Variants in NPIPB9 observed in about 807,000 individuals in gnomAD.
NPIPB9 encodes nuclear pore complex-interacting protein family member B9.
In NPIPB9, 1 loss-of-function variant was observed where a neutral mutation model predicts 5.6. The ratio of observed to expected loss-of-function variants is 0.18; its 90% CI spans 0.06 to 0.84. The LOEUF is 0.84. Ranked by LOEUF, NPIPB9 falls within the 40% of genes least tolerant of loss-of-function variation. NPIPB9 has a pLI of 0.70. For synonymous variants in NPIPB9, 2 were observed against 12.5 expected (o/e 0.16, Z 1.77); for missense variants, 3 against 39.1 (o/e 0.08, Z 2.46).
rs1412009529 is a variant in NPIPB9 at position 28,753,431 on chromosome 16, C to T, written c.25+839C>T. 5.8e-5 allele frequency among the ~76,000 whole-genome samples: 3 copies of T among 51,596 alleles called. 1 individual carries two copies. The highest frequency in any genetic ancestry group is 1.1e-4 in the Non-Finnish European group (3 of 26,204). The allele number at this position is 51,596 out of a possible 152,430, so 33.8% of individuals were successfully genotyped here. A position where few individuals can be genotyped will look rare whatever the true frequency, so the allele number is the denominator to read the frequency against. The stretch of plus-strand genomic sequence containing the variant: ...GTCCAATGGTAATAATTAAATTAGT[C>T]ATTAAGTTGAACATTATCTTGTCTT... On this transcript the variant is annotated intron_variant, in intron 1 of 7. Coordinates refer to ENST00000550983, the Ensembl canonical transcript of NPIPB9.
chr16:28,765,774 T>TGA lies in NPIPB9; in HGVS notation c.295-307_295-306dup, dbSNP rs1555495179. Among the ~76,000 whole-genome samples, 310 of 78,786 alleles carry TGA rather than the reference T, an allele frequency of 3.9e-3. 1 individual carries two copies. Among genetic ancestry groups the TGA allele is most frequent in the Non-Finnish European group, 5.5e-3 (206 of 37,534 alleles). The allele number at this position is 78,786 out of a possible 152,430, so 51.7% of individuals were successfully genotyped here. A position where few individuals can be genotyped will look rare whatever the true frequency, so the allele number is the denominator to read the frequency against. On this transcript the variant is annotated intron_variant, in intron 3 of 7. Transcript: ENST00000550983. Reference sequence around the variant, plus strand: ...GTGTGTGTGTGTGTGTGTGTGTGTGTGACAGAGTCTCATTCTGTCGCTCAG... The same window carrying TGA: ...GTGTGTGTGTGTGTGTGTGTGTGTGTGAGACAGAGTCTCATTCTGTCGCTCAG...
chr16:28,753,531 T>TACACACACAC (rs1158927991), intron 1 of NPIPB9, among the ~76,000 whole-genome samples: 3 of 42,042 alleles, frequency 7.1e-5, no homozygotes, highest in African/African-American at 2.4e-4. Context: ...CACACATACA[T>TACACACACAC]ACACACACAC....
chr16:28,760,348 C>CA (rs1158167132), intron 2 of NPIPB9, among the ~76,000 whole-genome samples: 2 of 32,926 alleles, frequency 6.1e-5, no homozygotes, highest in Non-Finnish European at 1.1e-4. Context: ...TTTTTTGAGA[C>CA]AGAGTCTCGC....
At chr16:28,759,159 T>TC (rs2048983483) in intron 2 of NPIPB9, among the ~76,000 whole-genome samples, 1 of 81,218 alleles carries the variant, frequency 1.2e-5, no homozygotes, top group Admixed American at 1.3e-4. Context: ...GATGACTTTT[T>TC]TTTTTTTTTT....
At chr16:28,753,541 C>CACAG (rs1454998623) in intron 1 of NPIPB9, among the ~76,000 whole-genome samples, 1 of 71,528 alleles carries the variant, frequency 1.4e-5, no homozygotes, top group Non-Finnish European at 3.0e-5. Context: ...TACACACACA[C>CACAG]ACACACACAC....
In NPIPB9 at chr16:28,752,505, G is replaced by T. The variant is rs1374227499; in HGVS notation, c.-63G>T. 1.1e-5 allele frequency: 16 copies of T among 1,429,842 alleles called. 3 individuals carry two copies. The highest frequency in any genetic ancestry group is 4.7e-4 in the Middle Eastern group (2 of 4,296). The allele number at this position is 1,429,842 out of a possible 1,614,324, so 88.6% of individuals were successfully genotyped here. A position where few individuals can be genotyped will look rare whatever the true frequency, so the allele number is the denominator to read the frequency against. On this transcript the variant is annotated 5_prime_UTR_variant, in exon 1 of 8. Coordinates refer to ENST00000550983, the Ensembl canonical transcript of NPIPB9. ...AGCTCTCTATTGTCCTGACCCCACA[G>T]TTCCTGTCGCATGACCAGAGCCAGT...
intron 3 of NPIPB9, among the ~76,000 whole-genome samples, chr16:28,765,100 C>A: frequency 7.2e-5 from 4 of 55,422 alleles, no homozygotes; most frequent in East Asian, 4.8e-4. Context: ...ATATTCATGT[C>A]ATTTTTTTTT....
intron 1 of NPIPB9, among the ~76,000 whole-genome samples, chr16:28,756,171 A>G (rs1203989043): frequency 3.4e-5 from 3 of 88,638 alleles, no homozygotes; most frequent in Non-Finnish European, 7.9e-5. Flanking sequence ...TCCTTTTACA[A>G]CCAACACAAC....
rs1203910864 is a variant in NPIPB9, at chr16:28,752,592, G to A, written c.25G>A (p.Val9Met). ...CATGCCCATGCGAGTACCTGAGGAA[G>A]GTGAGTGAGTGCAGACAGATGGGGC... Residue 9 changes from valine to methionine, a missense_variant and splice_region_variant, in exon 1 of 8, where the codon GTG (valine) becomes ATG (methionine). Physicochemically the swap from Val to Met is conservative, Grantham distance 21. Coordinates refer to ENST00000550983, the Ensembl canonical transcript of NPIPB9. The A allele has an allele frequency of 2.2e-6, 3 of 1,338,076 alleles. 1 individual carries two copies. The highest frequency in any genetic ancestry group is 3.0e-6 in the Non-Finnish European group (3 of 986,388). 82.9% of individuals were successfully genotyped at this position (1,338,076 alleles called of 1,614,324 possible). A position where few individuals can be genotyped will look rare whatever the true frequency, so the allele number is the denominator to read the frequency against.
At chr16:28,769,839 G>A (rs1180085868) in intron 5 of NPIPB9, among the ~76,000 whole-genome samples, 1 of 144,060 alleles carries the variant, frequency 6.9e-6, no homozygotes, top group African/African-American at 2.6e-5. Context: ...CCATTCTAGG[G>A]GTGGGGTGAG....
intron 1 of NPIPB9, among the ~76,000 whole-genome samples, chr16:28,757,387 G>C (rs2151815135): frequency 3.5e-5 from 1 of 28,380 alleles, no homozygotes; most frequent in East Asian, 7.7e-4. Flanking sequence ...CAGGCAGTAA[G>C]ATGATTATAG....
At position 28,769,756 on chromosome 16, in the gene NPIPB9, A is replaced by G. The variant is rs893079973; in HGVS notation, c.591-832A>G. Among the ~76,000 whole-genome samples the G allele has an allele frequency of 1.6e-4, 24 of 148,472 alleles. 1 individual carries two copies. Among genetic ancestry groups the G allele is most frequent in the Non-Finnish European group, 3.3e-4 (22 of 67,236 alleles). Reference sequence around the variant, plus strand: ...GTACCTTAATATTTACCAGTGACCAAAAGATGTGAAGTAGCAAAACGGCTC... The same window carrying G: ...GTACCTTAATATTTACCAGTGACCAGAAGATGTGAAGTAGCAAAACGGCTC... On this transcript the variant is annotated intron_variant, in intron 5 of 7. Transcript: ENST00000550983.
At chr16:28,754,818 G>C (rs1426203930) in intron 1 of NPIPB9, among the ~76,000 whole-genome samples, 1 of 143,254 alleles carries the variant, frequency 7.0e-6, no homozygotes, top group Non-Finnish European at 1.6e-5. Context: ...TTGTCCCAGA[G>C]CTGCACAAAA....
chr16:28,754,803 G>T (rs936714505), intron 1 of NPIPB9, among the ~76,000 whole-genome samples: 4 of 143,020 alleles, frequency 2.8e-5, no homozygotes, highest in African/African-American at 1.0e-4. Flanking sequence ...TCAGCCAGGT[G>T]GAGTTTGTCC....
intron 2 of NPIPB9, among the ~76,000 whole-genome samples, chr16:28,760,322 T>A (rs1290789185): frequency 1.9e-5 from 1 of 51,754 alleles, no homozygotes; most frequent in Non-Finnish European, 4.0e-5. Flanking sequence ...TAATTTTTTT[T>A]TTTTTTTTTT....
rs369439251 is a variant in NPIPB9, at chr16:28,753,736, G to C, written c.25+1144G>C. Among the ~76,000 whole-genome samples the C allele has an allele frequency of 4.2e-3, 210 of 50,164 alleles. 6 individuals carry two copies. In the East Asian group the frequency reaches 0.13, roughly 30 times the overall value. 32.9% of individuals were successfully genotyped at this position (50,164 alleles called of 152,430 possible). On this transcript the variant is annotated intron_variant, in intron 1 of 7. Coordinates refer to ENST00000550983, the Ensembl canonical transcript of NPIPB9. ...GCACCATCATGCCCAGCTAATTTTT[G>C]TATTCTTAGTAGAGATGGGGTTTCA...
chr16:28,765,739 G>C (rs1432272636), intron 3 of NPIPB9, among the ~76,000 whole-genome samples: 7 of 80,312 alleles, frequency 8.7e-5, no homozygotes, highest in Non-Finnish European at 1.5e-4. Flanking sequence ...GTGTGTGTGT[G>C]TGTGTGTGTG....
intron 5 of NPIPB9, among the ~76,000 whole-genome samples, chr16:28,767,327 C>T (rs1379809495): frequency 9.8e-6 from 1 of 101,684 alleles, no homozygotes; most frequent in Non-Finnish European, 2.2e-5. Context: ...TCTTGAGTAG[C>T]TGGGACTACA....
intron 1 of NPIPB9, among the ~76,000 whole-genome samples, chr16:28,756,606 CAA>C (rs1363240827): frequency 6.5e-5 from 3 of 46,160 alleles, no homozygotes; most frequent in African/African-American, 1.3e-4. Flanking sequence ...GTTTTTGAGA[CAA>C]GAGTCTCTCT....
Sources: allele counts gnomAD v4.1 joint callset (sites outside exome capture counted in the v4.1 genomes callset), GRCh38; gene constraint gnomAD v4.1.1; transcripts MANE v1.5; gene names NCBI Gene and HGNC (gene_info 2026-07-23, HGNC 2026-07-21).